HTT-AS: variants seen among roughly 807,000 people sequenced by gnomAD.
HTT-AS encodes HTT antisense RNA.
intron 1 of HTT-AS, among the ~76,000 whole-genome samples, chr4:3,072,342 AT>A (rs1226540516): frequency 2.6e-5 from 4 of 152,248 alleles, no homozygotes; most frequent in Admixed American, 6.5e-5. Flanking sequence ...AGCTGACTTC[AT>A]CAGAGCATCC....
At chr4:3,055,133 G>C (rs1711782697) in intron 2 of HTT-AS, among the ~76,000 whole-genome samples, 1 of 151,932 alleles carries the variant, frequency 6.6e-6, no homozygotes, top group Admixed American at 6.6e-5. Context: ...TAGATCACGA[G>C]GTCAGGAGAT....
intron 1 of HTT-AS, among the ~76,000 whole-genome samples, chr4:3,071,854 C>G (rs1712180584): frequency 1.3e-5 from 2 of 152,150 alleles, no homozygotes. Flanking sequence ...GGACAGGGCT[C>G]AGGGGAAACC....
chr4:3,072,293 G>A (rs139108149), intron 1 of HTT-AS, among the ~76,000 whole-genome samples: 11 of 152,388 alleles, frequency 7.2e-5, no homozygotes, highest in Admixed American at 6.5e-5. Flanking sequence ...GCCAGAGGCC[G>A]CCTTTATGTC....
chr4:3,065,087 C>G lies in HTT-AS; in HGVS notation n.114-1387G>C, dbSNP rs186597895. Among the ~76,000 whole-genome samples the G allele has an allele frequency of 6.6e-5, 10 of 152,172 alleles. No homozygotes were observed. The East Asian group carries it at 1.9e-3, about 29-fold the overall frequency. On this transcript the variant is annotated intron_variant and non_coding_transcript_variant, in intron 1 of 2. Coordinates refer to ENST00000664062, the Ensembl canonical transcript of HTT-AS. ...AAAGGCATTTGACCAAATTCAACAC[C>G]TACTTTTTAGGTGGTCAATAAAATA...
At position 3,063,101 on chromosome 4, in the gene HTT-AS, T is replaced by A. The variant is rs549258589; in HGVS notation, n.713A>T. Among the ~76,000 whole-genome samples the A allele has an allele frequency of 2.6e-5, 4 of 152,258 alleles. No individual in the cohort carries two copies. In the East Asian group the frequency reaches 5.8e-4, roughly 22 times the overall value. On this transcript the variant is annotated non_coding_transcript_exon_variant, in exon 2 of 3. Coordinates refer to ENST00000664062, the Ensembl canonical transcript of HTT-AS. ...TGACATTCATAGTCTAGTTACACGA[T>A]CCCTGTAAGGGTCAGTTGAAGTAAG... is the stretch of plus-strand genomic sequence containing the variant.
At chr4:3,073,026 G>A (rs1392229656) in intron 1 of HTT-AS, among the ~76,000 whole-genome samples, 3 of 152,222 alleles carry the variant, frequency 2.0e-5, no homozygotes, top group Admixed American at 2.0e-4. Context: ...CCTGGGTTCA[G>A]GTGATCCTCC....
At chr4:3,046,714 T>C (rs183487391), downstream of HTT-AS, among the ~76,000 whole-genome samples, 38 of 151,938 alleles carry the variant, frequency 2.5e-4, no homozygotes, top group African/African-American at 9.0e-4. Flanking sequence ...GGGTACCTCC[T>C]TATGCTGGAA....
At chr4:3,056,882 A>G (rs963602682) in intron 2 of HTT-AS, among the ~76,000 whole-genome samples, 1 of 152,194 alleles carries the variant, frequency 6.6e-6, no homozygotes, top group South Asian at 2.1e-4. Context: ...AACTCTTTGC[A>G]TCTTGTAAAG....
At chr4:3,070,576 C>T (rs949122882) in intron 1 of HTT-AS, among the ~76,000 whole-genome samples, 8 of 152,192 alleles carry the variant, frequency 5.3e-5, no homozygotes, top group African/African-American at 1.9e-4. Context: ...AGGTGTGAGC[C>T]ACTGCGCCTT....
intron 2 of HTT-AS, among the ~76,000 whole-genome samples, chr4:3,049,837 G>A (rs1711666514): frequency 6.6e-6 from 1 of 150,706 alleles, no homozygotes; most frequent in Non-Finnish European, 1.5e-5. Flanking sequence ...AATGACGATT[G>A]AATAAAATCC....
downstream of HTT-AS, among the ~76,000 whole-genome samples, chr4:3,047,551 G>A (rs376831019): frequency 3.3e-5 from 5 of 152,214 alleles, no homozygotes; most frequent in Non-Finnish European, 4.4e-5. Context: ...CCTCTGTCAC[G>A]CTCAGACAGG....
chr4:3,053,647 G>A (rs774359073), intron 2 of HTT-AS, among the ~76,000 whole-genome samples: 2 of 152,036 alleles, frequency 1.3e-5, no homozygotes, highest in Admixed American at 6.6e-5. Flanking sequence ...ATGCCTTTTA[G>A]TGCATGTAAC....
chr4:3,055,057 G>A (rs1158490648), intron 2 of HTT-AS, among the ~76,000 whole-genome samples: 1 of 151,990 alleles, frequency 6.6e-6, no homozygotes, highest in Non-Finnish European at 1.5e-5. Flanking sequence ...CACAAAAATT[G>A]TAAGGGCTTG....
At chr4:3,047,119 G>T (rs2110119057), downstream of HTT-AS, among the ~76,000 whole-genome samples, 1 of 152,302 alleles carries the variant, frequency 6.6e-6, no homozygotes, top group African/African-American at 2.4e-5. Flanking sequence ...AGACCATCCT[G>T]GCTAACACGG....
intron 1 of HTT-AS, among the ~76,000 whole-genome samples, chr4:3,065,365 C>T (rs1430764461): frequency 6.6e-6 from 1 of 151,934 alleles, no homozygotes; most frequent in Non-Finnish European, 1.5e-5. Context: ...CTCAGCCTCC[C>T]GAGTAGCTGG....
At chr4:3,054,725 T>A (rs577553237) in intron 2 of HTT-AS, among the ~76,000 whole-genome samples, 2 of 151,960 alleles carry the variant, frequency 1.3e-5, no homozygotes, top group African/African-American at 4.8e-5. Context: ...TTTCTATTTT[T>A]TTTTTTTGAG....
At chr4:3,061,550 C>T (rs1040665930) in intron 2 of HTT-AS, among the ~76,000 whole-genome samples, 9 of 151,926 alleles carry the variant, frequency 5.9e-5, no homozygotes, top group Admixed American at 3.3e-4. Flanking sequence ...GGCGTGGTGG[C>T]GGGCGCCTGT....
intron 2 of HTT-AS, among the ~76,000 whole-genome samples, chr4:3,059,917 G>GTTTTTTTTTTTTTTTT (rs34372712): frequency 7.3e-6 from 1 of 136,240 alleles, no homozygotes; most frequent in African/African-American, 2.8e-5. Flanking sequence ...TTGTCCCTGT[G>GTTTTTTTTTTTTTTTT]TTTTTTGTTT....
At chr4:3,070,224 C>T (rs754528182) in intron 1 of HTT-AS, 2 of 152,128 alleles carry the variant, frequency 1.3e-5, no homozygotes, top group African/African-American at 2.4e-5. Flanking sequence ...TATAAACCGC[C>T]CTCAATTCCC....
Sources: allele counts gnomAD v4.1 joint callset (sites outside exome capture counted in the v4.1 genomes callset), GRCh38; gene constraint gnomAD v4.1.1; transcripts MANE v1.5; gene names NCBI Gene and HGNC (gene_info 2026-07-23, HGNC 2026-07-21).